Variants in ACRV1 observed in about 807,000 individuals in gnomAD.
ACRV1 encodes the protein acrosomal vesicle protein 1.
Under a neutral mutation model 29.2 loss-of-function variants are expected in ACRV1, and 17 were observed. The ratio of observed to expected loss-of-function variants is 0.58; its 90% CI spans 0.40 to 0.87. The LOEUF (loss-of-function observed/expected upper bound fraction) is 0.87. ACRV1 is among the 40% of genes least tolerant of loss of function. The pLI, the probability that ACRV1 is intolerant of heterozygous loss-of-function variation, is 0.00. For synonymous variants in ACRV1, 98 were observed against 111.6 expected (o/e 0.88, Z 0.77); for missense variants, 294 against 316.0 (o/e 0.93, Z 0.53).
chr11:125,677,033 C>A (rs952708091), intron 2 of ACRV1, among the ~76,000 whole-genome samples: 1 of 152,154 alleles, frequency 6.6e-6, no homozygotes, highest in Non-Finnish European at 1.5e-5. Flanking sequence ...TACTGCTAAT[C>A]CCCCAGTTTG....
chr11:125,679,635 AG>A (rs1241635539), intron 1 of ACRV1, among the ~76,000 whole-genome samples: 1 of 152,256 alleles, frequency 6.6e-6, no homozygotes, highest in Non-Finnish European at 1.5e-5. Context: ...ACCTAGAGGA[AG>A]ACAAGTAGAC....
rs1302257246 is a variant in ACRV1, at chr11:125,677,955, T to G, written c.395A>C (p.Glu132Ala). 4 of 1,612,346 alleles carry G rather than the reference T, an allele frequency of 2.5e-6. No homozygotes were observed. In the African/African-American group the frequency reaches 5.3e-5, roughly 22 times the overall value. Residue 132 changes from glutamate (E) to alanine (A), a missense_variant, in exon 2 of 4, where the codon GAG (glutamate) becomes GCG (alanine). Physicochemically the swap from Glu to Ala is moderately radical, Grantham distance 107 (BLOSUM62 -1). Transcript: ENST00000533904. ...TGAAGGCTGTTCACCTGACTCAAGC[T>G]CACTCAAAGGCTGTTCTCCGGAGAG... ...EHLSGEQPLS[E>A]LESGEQPSDE...
chr11:125,676,897 T>C (rs1258749300), intron 2 of ACRV1, among the ~76,000 whole-genome samples: 4 of 152,176 alleles, frequency 2.6e-5, no homozygotes, highest in African/African-American at 7.2e-5. Flanking sequence ...ATAAGCTATG[T>C]TAGAATGCTC....
chr11:125,679,216 C>CTTTTTTTTTTTTTTTTTTTTTTTTTT lies in ACRV1; in HGVS notation c.53-920_53-919insAAAAAAAAAAAAAAAAAAAAAAAAAA, dbSNP rs71045115. Among the ~76,000 whole-genome samples, 35 of 121,038 alleles carry CTTTTTTTTTTTTTTTTTTTTTTTTTT rather than the reference C, an allele frequency of 2.9e-4. 1 individual carries two copies. Among genetic ancestry groups the CTTTTTTTTTTTTTTTTTTTTTTTTTT allele is most frequent in the African/African-American group, 1.0e-3 (33 of 31,632 alleles). The allele number at this position is 121,038 out of a possible 152,430, so 79.4% of individuals were successfully genotyped here. ...TCTTCTACCTTTAATCCGTCTCTTTCTTTTTTTTTTTTTGTTTCAAAGATA... is the reference window on the plus strand; with the variant it reads ...TCTTCTACCTTTAATCCGTCTCTTTCTTTTTTTTTTTTTTTTTTTTTTTTTTTTTTTTTTTTTTTGTTTCAAAGATA... On this transcript the variant is annotated intron_variant, in intron 1 of 3. Coordinates refer to ENST00000533904, the MANE Select transcript of ACRV1 (RefSeq NM_001612.6).
At position 125,672,666 on chromosome 11, in the gene ACRV1, A is replaced by G. The variant is rs1591433322; in HGVS notation, c.725T>C (p.Met242Thr). The change falls in exon 4 of 4, where the codon ATG becomes ACG. Residue 242 changes from methionine (M) to threonine (T), a missense_variant. Coordinates refer to ENST00000533904, the MANE Select transcript of ACRV1 (RefSeq NM_001612.6). Reference protein sequence around the residue: ...VQGCENMCPSMNLFSHGTRMQ... With the variant: ...VQGCENMCPSTNLFSHGTRMQ... ...CCTCGTTCCATGGGAGAAGAGGTTCATAGATGGGCACATGTTCTCACACCC... is the reference window on the plus strand; with the variant it reads ...CCTCGTTCCATGGGAGAAGAGGTTCGTAGATGGGCACATGTTCTCACACCC... 1 of 1,614,190 alleles carries G rather than the reference A, an allele frequency of 6.2e-7. No homozygotes were observed. Among genetic ancestry groups the G allele is most frequent in the African/African-American group, 1.3e-5 (1 of 75,060 alleles).
chr11:125,672,436 TAGA>T lies in ACRV1; in HGVS notation c.*154_*156del. 5.0e-6 allele frequency: 4 copies of T among 796,700 alleles called. No individual in the cohort carries two copies. Among genetic ancestry groups the T allele is most frequent in the South Asian group, 1.9e-5 (1 of 54,024 alleles). The allele number at this position is 796,700 out of a possible 1,614,324, so 49.4% of individuals were successfully genotyped here. Reference sequence around the variant, plus strand: ...AGAGAAGAATGGATAAAAGCATGAATAGAAGAAGAAAGATAGGATGTTTGAGCA... The same window carrying T: ...AGAGAAGAATGGATAAAAGCATGAATAGAAGAAAGATAGGATGTTTGAGCA... On this transcript the variant is annotated 3_prime_UTR_variant, in exon 4 of 4. Transcript: ENST00000533904.
At chr11:125,676,317 T>C (rs1942504344) in intron 3 of ACRV1, 42 bp downstream of exon 3, 2 of 1,610,150 alleles carry the variant, frequency 1.2e-6, no homozygotes, top group African/African-American at 1.3e-5. Context: ...AGTAAGTTGA[T>C]GTGTTCTCAG....
At position 125,677,891 on chromosome 11, in the gene ACRV1, C is replaced by G. The variant is rs774163601; in HGVS notation, c.459G>C (p.Gln153His). Residue 153 changes from glutamine (Q) to histidine (H), a missense_variant, in exon 2 of 4, where the codon CAG becomes CAC. Physicochemically the swap from Gln to His is conservative, Grantham distance 24. Coordinates refer to ENST00000533904, the MANE Select transcript of ACRV1 (RefSeq NM_001612.6). ...QPSGEHGSGE[Q>H]PSGEQASGEQ... ...CACCCGAGGCCTGCTCACCAGAAGG[C>G]TGTTCACCGGAGCCATGTTCACCTG... The G allele has an allele frequency of 3.1e-6, 5 of 1,614,010 alleles. No homozygotes were observed. The South Asian group carries it at 5.5e-5, about 18-fold the overall frequency.
chr11:125,672,534 C>A lies in ACRV1; in HGVS notation c.*59G>T. ...GGAAGGAACTAAATATAAAATGAGC[C>A]AAATAGAGTGATGGAGGCTTTTTAC... On this transcript the variant is annotated 3_prime_UTR_variant, in exon 4 of 4. Coordinates refer to ENST00000533904, the MANE Select transcript of ACRV1 (RefSeq NM_001612.6). 1 of 1,598,580 alleles carries A rather than the reference C, an allele frequency of 6.3e-7. No homozygotes were observed. The highest frequency in any genetic ancestry group is 8.5e-7 in the Non-Finnish European group (1 of 1,173,658).
At chr11:125,672,800 T>G in intron 3 of ACRV1, 83 bp from the exon 4 acceptor site, 1 of 1,542,140 alleles carries the variant, frequency 6.5e-7, no homozygotes, top group Non-Finnish European at 8.8e-7. Context: ...AGTGTCTCCA[T>G]GCAGGATGGT....
In ACRV1 at chr11:125,676,291, A is replaced by G. The variant is rs1034168507; in HGVS notation, c.673+68T>C. The G allele has an allele frequency of 5.0e-5, 79 of 1,580,102 alleles. 1 individual carries two copies. The Admixed American group carries it at 1.0e-3, about 20-fold the overall frequency. On this transcript the variant is annotated intron_variant, in intron 3 of 3. Transcript: ENST00000533904. ...TCTTTCCTGGGCCCCTGTCATTCCA[A>G]CTGCCCCCTACCAGAAGTAAGTTGA...
At chr11:125,674,990 A>G (rs1442827386) in intron 3 of ACRV1, among the ~76,000 whole-genome samples, 1 of 152,204 alleles carries the variant, frequency 6.6e-6, no homozygotes, top group African/African-American at 2.4e-5. Context: ...CTGTCTCTGG[A>G]ATACCCATCA....
chr11:125,674,722 C>T (rs1354891129), intron 3 of ACRV1, among the ~76,000 whole-genome samples: 1 of 152,198 alleles, frequency 6.6e-6, no homozygotes, highest in Non-Finnish European at 1.5e-5. Context: ...AGTAACAGGT[C>T]TTTAGGCAAG....
intron 3 of ACRV1, 110 bp downstream of exon 3, chr11:125,676,249 T>A: frequency 7.3e-7 from 1 of 1,377,944 alleles, no homozygotes; most frequent in Non-Finnish European, 1.0e-6. Flanking sequence ...AAGTTCTGAA[T>A]CTTCAAGTTC....
chr11:125,677,541 G>A (rs185161358), intron 2 of ACRV1, among the ~76,000 whole-genome samples: 2 of 152,310 alleles, frequency 1.3e-5, no homozygotes, highest in East Asian at 3.9e-4. Flanking sequence ...CTTATGGAGA[G>A]TGAAGTTGGA....
At chr11:125,675,524 T>C (rs1210403967) in intron 3 of ACRV1, among the ~76,000 whole-genome samples, 1 of 151,794 alleles carries the variant, frequency 6.6e-6, no homozygotes, top group Admixed American at 6.6e-5. Flanking sequence ...ACAAGAGGAG[T>C]CAGGCAGTGT....
At position 125,672,381 on chromosome 11, in the gene ACRV1, G is replaced by A; in HGVS notation, c.*212C>T. ...TTGAAAAAAAAATCAGGAATATTGA[G>A]AGAAAGAGTTGGAGCAGGGAAGACA... On this transcript the variant is annotated 3_prime_UTR_variant, in exon 4 of 4. Transcript: ENST00000533904. 3 of 536,092 alleles carry A rather than the reference G, an allele frequency of 5.6e-6. No homozygotes were observed. Among genetic ancestry groups the A allele is most frequent in the Non-Finnish European group, 9.5e-6 (3 of 315,296 alleles). 33.2% of individuals were successfully genotyped at this position (536,092 alleles called of 1,614,324 possible).
chr11:125,679,429 G>C (rs1460361480), intron 1 of ACRV1, among the ~76,000 whole-genome samples: 1 of 151,938 alleles, frequency 6.6e-6, no homozygotes, highest in South Asian at 2.1e-4. Flanking sequence ...TGTTGGCCAG[G>C]CTGGTCTTGA....
Position 125,678,204 on chromosome 11 carries a change from G to C in ACRV1, c.146C>G (p.Pro49Arg). The part of the protein sequence containing the change: ...LPGEFFSLEN[P>R]SDAEALYETS... ...CTCATATAAAGCCTCAGCATCAGAA[G>C]GGTTTTCAAGTGAAAAGAACTCACC... Residue 49 changes from proline to arginine, a missense_variant, in exon 2 of 4, where the codon CCT becomes CGT. Coordinates refer to ENST00000533904, the MANE Select transcript of ACRV1 (RefSeq NM_001612.6). 1 of 1,614,148 alleles carries C rather than the reference G, an allele frequency of 6.2e-7. No individual in the cohort carries two copies. The highest frequency in any genetic ancestry group is 8.5e-7 in the Non-Finnish European group (1 of 1,180,026).
Sources: gnomAD v4.1 joint callset for allele counts (sites outside exome capture counted in the v4.1 genomes callset) on GRCh38, gnomAD v4.1.1 for gene constraint, MANE v1.5 for transcripts, NCBI Gene and HGNC (gene_info 2026-07-23, HGNC 2026-07-21) for gene names.